Variants in PRELID2 observed in about 807,000 individuals in gnomAD.
PRELID2 encodes the protein PRELI domain containing 2, also known as PRELI domain-containing protein 2.
PRELID2 carries 25 observed loss-of-function variants against 28.4 expected under a neutral mutation model. The ratio of observed to expected loss-of-function variants is 0.88; its 90% CI spans 0.64 to 1.23. PRELID2 has a LOEUF of 1.23. Ranked by LOEUF, PRELID2 falls within the 50% of genes most tolerant of loss-of-function variation. The pLI is 0.00. For synonymous variants in PRELID2, 76 were observed against 71.6 expected (o/e 1.06, Z -0.31); for missense variants, 201 against 214.4 (o/e 0.94, Z 0.39).
At chr5:145,770,792 AT>A (rs1758054334) in intron 5 of PRELID2, among the ~76,000 whole-genome samples, 1 of 152,254 alleles carries the variant, frequency 6.6e-6, no homozygotes, top group Non-Finnish European at 1.5e-5. Context: ...GAATAAGGAT[AT>A]AAAGCAAAAT....
At chr5:145,229,570 C>G in the PRELID2 span, 5 of 1,475,828 alleles carry the variant, frequency 3.4e-6, no homozygotes, top group Non-Finnish European at 4.7e-6. Context: ...TGGAGCTCTT[C>G]ATGTACCTGA....
chr5:145,690,946 T>C (rs928355837), intron 1 of PRELID2, among the ~76,000 whole-genome samples: 6 of 151,536 alleles, frequency 4.0e-5, no homozygotes, highest in African/African-American at 1.5e-4. Context: ...GATCTCATCC[T>C]GATTAGATTG....
chr5:145,529,717 C>T (rs1347636466), intron 1 of PRELID2, among the ~76,000 whole-genome samples: 2 of 149,726 alleles, frequency 1.3e-5, no homozygotes, highest in African/African-American at 4.9e-5. Flanking sequence ...ACACAAACAA[C>T]AAAAAAAAGC....
At chr5:145,408,334 G>C in the PRELID2 span, among the ~76,000 whole-genome samples, 1 of 149,846 alleles carries the variant, frequency 6.7e-6, no homozygotes, top group Admixed American at 6.7e-5. Context: ...TAATTCAGAA[G>C]GTTGATGATT....
At chr5:145,234,385 T>G in the PRELID2 span, among the ~76,000 whole-genome samples, 2 of 152,156 alleles carry the variant, frequency 1.3e-5, no homozygotes, top group Admixed American at 1.3e-4. Flanking sequence ...ACCAACTTGC[T>G]TAAAAAGTCC....
chr5:145,505,182 A>G lies in PRELID2; in HGVS notation n.71-31867T>C, dbSNP rs559943266. On this transcript the variant is annotated intron_variant and non_coding_transcript_variant, in intron 1 of 2. Transcript: ENST00000510259. ...TACATTTTCTTCTCTGATTCAATAG[A>G]TTTCTATTCTGATCAATACTATTCA... Among the ~76,000 whole-genome samples, 63 of 152,312 alleles carry G rather than the reference A, an allele frequency of 4.1e-4. 2 individuals carry two copies. The South Asian group carries it at 0.013, about 31-fold the overall frequency.
chr5:145,794,149 G>A (rs969965398), intron 5 of PRELID2, among the ~76,000 whole-genome samples: 6 of 152,074 alleles, frequency 3.9e-5, no homozygotes, highest in Admixed American at 2.0e-4. Context: ...TATAGCCTGG[G>A]GAGCAGAGAA....
intron 1 of PRELID2, among the ~76,000 whole-genome samples, chr5:145,601,447 C>A (rs1753396451): frequency 6.6e-6 from 1 of 151,758 alleles, no homozygotes; most frequent in Non-Finnish European, 1.5e-5. Context: ...AATGAAAGAA[C>A]GAACAGAAAA....
chr5:145,528,750 G>C (rs1353951388), intron 1 of PRELID2, among the ~76,000 whole-genome samples: 1 of 150,048 alleles, frequency 6.7e-6, no homozygotes, highest in East Asian at 2.0e-4. Flanking sequence ...GAGAGAGAGA[G>C]AGTAAGTCAC....
intron 1 of PRELID2, among the ~76,000 whole-genome samples, chr5:145,724,504 C>T (rs918050581): frequency 8.0e-5 from 12 of 149,070 alleles, no homozygotes; most frequent in African/African-American, 2.9e-4. Flanking sequence ...GATAATAATA[C>T]TGAATCAATG....
the PRELID2 span, chr5:145,229,549 C>G: frequency 2.7e-6 from 4 of 1,475,380 alleles, no homozygotes; most frequent in African/African-American, 5.5e-5. Context: ...GCACCACCCA[C>G]CAGACCTCCT....
chr5:145,755,476 T>C (rs928707066), downstream of PRELID2, among the ~76,000 whole-genome samples: 2 of 152,176 alleles, frequency 1.3e-5, no homozygotes, highest in African/African-American at 4.8e-5. Flanking sequence ...TTTTTTTGTT[T>C]TCTAATCTTA....
chr5:145,242,272 T>C, the PRELID2 span, among the ~76,000 whole-genome samples: 1 of 151,968 alleles, frequency 6.6e-6, no homozygotes, highest in Non-Finnish European at 1.5e-5. Flanking sequence ...GGTTAGAACT[T>C]CCAACTGAAA....
At chr5:145,653,136 G>C (rs1253874063) in intron 1 of PRELID2, among the ~76,000 whole-genome samples, 4 of 152,096 alleles carry the variant, frequency 2.6e-5, no homozygotes, top group African/African-American at 9.7e-5. Flanking sequence ...AACCAACAAA[G>C]ATCAAAAGGA....
At chr5:145,650,267 C>T (rs952517560) in intron 1 of PRELID2, among the ~76,000 whole-genome samples, 4 of 152,040 alleles carry the variant, frequency 2.6e-5, no homozygotes, top group African/African-American at 9.7e-5. Flanking sequence ...GCTACTACTT[C>T]TGAAATCAAC....
the PRELID2 span, among the ~76,000 whole-genome samples, chr5:145,239,703 T>G: frequency 6.6e-5 from 10 of 152,032 alleles, no homozygotes; most frequent in African/African-American, 2.4e-4. Flanking sequence ...CATGGAGATA[T>G]TTCAGAAGAT....
At chr5:145,631,488 C>T (rs142879158) in intron 1 of PRELID2, among the ~76,000 whole-genome samples, 307 of 152,266 alleles carry the variant, frequency 2.0e-3, no homozygotes, top group African/African-American at 6.9e-3. Flanking sequence ...CCTTATCCTA[C>T]AGGCTTGTAG....
chr5:145,458,769 C>A, the PRELID2 span, among the ~76,000 whole-genome samples: 1 of 152,112 alleles, frequency 6.6e-6, no homozygotes, highest in Admixed American at 6.6e-5. Flanking sequence ...TTATTGATTT[C>A]ATGCATTTTG....
the PRELID2 span, among the ~76,000 whole-genome samples, chr5:145,383,659 G>GCA: frequency 6.7e-6 from 1 of 149,820 alleles, no homozygotes; most frequent in Admixed American, 6.7e-5. Context: ...CTCACACCAT[G>GCA]CACAAAAATT....
Sources: gnomAD v4.1 joint callset for allele counts (sites outside exome capture counted in the v4.1 genomes callset) on GRCh38, gnomAD v4.1.1 for gene constraint, MANE v1.5 for transcripts, NCBI Gene and HGNC (gene_info 2026-07-23, HGNC 2026-07-21) for gene names.